Variants in NPM1 observed in about 807,000 individuals in gnomAD.
NPM1 encodes nucleophosmin.
In NPM1, 1 loss-of-function variant was observed where a neutral mutation model predicts 44.1. The ratio of observed to expected loss-of-function variants is 0.02; its 90% CI spans 0.01 to 0.11. NPM1 has a LOEUF of 0.11. NPM1 is among the 10% of genes least tolerant of loss of function. The probability of loss-of-function intolerance (pLI) is 1.00; values close to 1 mark genes in which losing one functional copy is unlikely to be tolerated. For synonymous variants in NPM1, 126 were observed against 111.8 expected, an observed-to-expected ratio of 1.13 and a Z score of -0.80; for missense variants, 197 against 347.8, an observed-to-expected ratio of 0.57 and a Z score of 3.45.
intron 8 of NPM1, among the ~76,000 whole-genome samples, chr5:171,403,621 TG>T (rs1771360848): frequency 8.8e-6 from 1 of 113,934 alleles, no homozygotes; most frequent in Non-Finnish European, 1.9e-5. Flanking sequence ...ACGGGGCGGC[TG>T]GCCGGGCAGG....
At chr5:171,401,070 C>T (rs1049340998) in intron 8 of NPM1, 145 bp downstream of exon 8, 2 of 626,122 alleles carry the variant, frequency 3.2e-6, no homozygotes, top group East Asian at 2.9e-5. Context: ...CAGCTTGCTG[C>T]AGCCAGGCTC....
intron 8 of NPM1, among the ~76,000 whole-genome samples, chr5:171,402,425 C>T (rs1189690973): frequency 1.3e-5 from 2 of 148,414 alleles, no homozygotes; most frequent in African/African-American, 5.0e-5. Flanking sequence ...ATTAGTTCAA[C>T]CATTGTGGAA....
intron 2 of NPM1, 47 bp downstream of exon 2, chr5:171,390,177 C>A (rs762398412): frequency 2.7e-6 from 3 of 1,120,038 alleles, no homozygotes; most frequent in South Asian, 1.5e-5. Context: ...TTGATTTCAG[C>A]CTTTTAGTTT....
At chr5:171,401,514 G>A (rs1771198521) in intron 8 of NPM1, among the ~76,000 whole-genome samples, 1 of 152,072 alleles carries the variant, frequency 6.6e-6, no homozygotes, top group Non-Finnish European at 1.5e-5. Context: ...TCGGCTTACT[G>A]CAACCTTCAC....
rs1771165071 is a variant in NPM1 at position 171,400,944 on chromosome 5, A to G, written c.669+19A>G. ...ATCAAAAGTAAGTGGCTACATTTACACGTGGGTCTCATTGATCTAGTTGGG... is the reference window on the plus strand; with the variant it reads ...ATCAAAAGTAAGTGGCTACATTTACGCGTGGGTCTCATTGATCTAGTTGGG... On this transcript the variant is annotated intron_variant, in intron 8 of 10. Transcript: ENST00000296930. 1.3e-6 allele frequency: 2 copies of G among 1,509,296 alleles called. No individual in the cohort carries two copies. Among genetic ancestry groups the G allele is most frequent in the African/African-American group, 2.8e-5 (2 of 72,672 alleles). 93.5% of individuals were successfully genotyped at this position (1,509,296 alleles called of 1,614,324 possible).
chr5:171,403,746 C>G (rs1328918193), intron 8 of NPM1, among the ~76,000 whole-genome samples: 39 of 141,470 alleles, frequency 2.8e-4, no homozygotes, highest in African/African-American at 9.9e-4. Context: ...CTGACCCCCC[C>G]ACCTCCCTCC....
intron 10 of NPM1, among the ~76,000 whole-genome samples, chr5:171,409,343 T>G (rs1771712301): frequency 6.6e-6 from 1 of 152,152 alleles, no homozygotes; most frequent in Non-Finnish European, 1.5e-5. Flanking sequence ...TTCATGCCTA[T>G]AATCCCAGCA....
At chr5:171,395,319 C>T (rs79870279) in intron 6 of NPM1, among the ~76,000 whole-genome samples, 12 of 148,352 alleles carry the variant, frequency 8.1e-5, no homozygotes, top group South Asian at 6.3e-4. Context: ...TTTTTTTTTT[C>T]GGCAAGTCTC....
chr5:171,403,766 C>T (rs1409385776), intron 8 of NPM1, among the ~76,000 whole-genome samples: 41 of 120,566 alleles, frequency 3.4e-4, no homozygotes, highest in Admixed American at 4.9e-4. Flanking sequence ...CCGGACGGGG[C>T]GGCTGGCCGG....
At chr5:171,393,098 A>G in intron 6 of NPM1, 120 bp downstream of exon 6, 1 of 1,305,980 alleles carries the variant, frequency 7.7e-7, no homozygotes, top group Non-Finnish European at 1.0e-6. Flanking sequence ...CCTATGTAAT[A>G]GTTTATAATA....
upstream of NPM1, chr5:171,387,143 T>C (rs1326741586): frequency 2.0e-5 from 3 of 152,324 alleles, no homozygotes; most frequent in Non-Finnish European, 2.9e-5. Context: ...ATTTGGAGAC[T>C]GATTCAGTCC....
At chr5:171,389,987 A>G (rs1286687484) in intron 1 of NPM1, 64 bp from the exon 2 acceptor site, 2 of 967,402 alleles carry the variant, frequency 2.1e-6, no homozygotes, top group South Asian at 1.5e-5. Context: ...CTTTTTGGTT[A>G]CCCACACTTA....
rs1157017798 is a variant in NPM1 at position 171,405,304 on chromosome 5, A to C, written c.672A>C (p.Gly224=). ...TTGGAAATTCATTTCTTTTTCAGGG[A>C]CAAGAATCCTTCAAGAAACAGGAAA... ...SKPSSTPRSK[G]QESFKKQEKT... The change falls in exon 9 of 11, where the codon GGA becomes GGC. Residue 224 remains glycine (G), a splice_region_variant and synonymous_variant. Coordinates refer to ENST00000296930, the MANE Select transcript of NPM1 (RefSeq NM_002520.7). The C allele has an allele frequency of 6.6e-7, 1 of 1,518,194 alleles. No homozygotes were observed. Among genetic ancestry groups the C allele is most frequent in the Non-Finnish European group, 9.1e-7 (1 of 1,102,254 alleles). The allele number at this position is 1,518,194 out of a possible 1,614,324, so 94.0% of individuals were successfully genotyped here. A position where few individuals can be genotyped will look rare whatever the true frequency, so the allele number is the denominator to read the frequency against.
intron 9 of NPM1, chr5:171,407,096 G>A (rs1156301430): frequency 2.0e-5 from 3 of 152,700 alleles, no homozygotes; most frequent in Non-Finnish European, 4.4e-5. Context: ...GATTAGAGAA[G>A]TGTAATTACT....
chr5:171,401,790 A>G (rs1392544088), intron 8 of NPM1, among the ~76,000 whole-genome samples: 5 of 152,172 alleles, frequency 3.3e-5, no homozygotes, highest in Non-Finnish European at 7.3e-5. Flanking sequence ...GTTGAAAGGT[A>G]TGTCTGCATA....
At chr5:171,406,576 C>G in intron 9 of NPM1, 1 of 1,431,206 alleles carries the variant, frequency 7.0e-7, no homozygotes, top group Non-Finnish European at 9.1e-7. Context: ...TGGAAACAAT[C>G]TCTTGGTTCC....
chr5:171,388,017 G>A lies in NPM1; in HGVS notation c.58+11G>A. On this transcript the variant is annotated intron_variant, in intron 1 of 10. Coordinates refer to ENST00000296930, the MANE Select transcript of NPM1 (RefSeq NM_002520.7). ...AGAACTATCTTTTCGGTAACTGCTG[G>A]GGGGAGCTGGAGCGAGGCCGAGCGG... 6.2e-7 allele frequency: 1 copy of A among 1,612,070 alleles called. No homozygotes were observed. The highest frequency in any genetic ancestry group is 8.5e-7 in the Non-Finnish European group (1 of 1,179,176).
rs34323200 is a variant in NPM1 at position 171,410,509 on chromosome 5, C to CT, written c.847-5dup. The CT allele has an allele frequency of 0.12, 133,722 of 1,101,340 alleles. 74 individuals are homozygous for CT. Among genetic ancestry groups the CT allele is most frequent in the Middle Eastern group, 0.14 (472 of 3,370 alleles). The allele number at this position is 1,101,340 out of a possible 1,614,324, so 68.2% of individuals were successfully genotyped here. A position where few individuals can be genotyped will look rare whatever the true frequency, so the allele number is the denominator to read the frequency against. On this transcript the variant is annotated splice_polypyrimidine_tract_variant and intron_variant, in intron 10 of 10. Transcript: ENST00000296930. ...GTGTTGTGGTTCCTTAACCACATTT[C>CT]TTTTTTTTTTTTTCCAGGCTATTCA...
intron 6 of NPM1, among the ~76,000 whole-genome samples, chr5:171,399,769 A>T (rs914046014): frequency 6.6e-6 from 1 of 152,116 alleles, no homozygotes. Context: ...ATACAGTGGT[A>T]TAGTGTGTAT....
Sources: gnomAD v4.1 joint callset for allele counts (sites outside exome capture counted in the v4.1 genomes callset) on GRCh38, gnomAD v4.1.1 for gene constraint, MANE v1.5 for transcripts, NCBI Gene and HGNC (gene_info 2026-07-23, HGNC 2026-07-21) for gene names.